FNBP1: variants seen among roughly 807,000 people sequenced by gnomAD.
FNBP1 encodes formin binding protein 1, also known as formin-binding protein 1.
In FNBP1, 26 loss-of-function variants were observed where a neutral mutation model predicts 90.6. The ratio of observed to expected loss-of-function variants is 0.29; its 90% CI spans 0.21 to 0.40. The LOEUF is 0.40. Among genes scored for constraint, FNBP1 ranks in the 10% least tolerant of loss-of-function variants. The probability of loss-of-function intolerance (pLI) is 1.00; values close to 1 mark genes in which losing one functional copy is unlikely to be tolerated. For missense variants in FNBP1, 635 were observed against 768.0 expected (o/e 0.83, Z 2.05); for synonymous variants, 260 against 265.2 (o/e 0.98, Z 0.19).
intron 1 of FNBP1, among the ~76,000 whole-genome samples, chr9:130,035,426 C>A (rs1411532426): frequency 2.0e-5 from 3 of 151,852 alleles, no homozygotes; most frequent in Admixed American, 6.6e-5. Context: ...GCATCGTGAT[C>A]TGATGGCTTC....
At chr9:129,895,241 G>A (rs1284824003) in intron 16 of FNBP1, 16 of 1,048,038 alleles carry the variant, frequency 1.5e-5, no homozygotes, top group Non-Finnish European at 1.7e-5. Flanking sequence ...TGCTGACCAG[G>A]TTTAAGTAAA....
chr9:129,922,127 A>G (rs998424426), intron 10 of FNBP1, among the ~76,000 whole-genome samples: 1 of 151,830 alleles, frequency 6.6e-6, no homozygotes, highest in Non-Finnish European at 1.5e-5. Flanking sequence ...GGCGTGGGCC[A>G]CTGGGCCCAG....
chr9:129,924,054 G>A (rs2041521139), intron 9 of FNBP1, 28 bp from the exon 10 acceptor site: 2 of 1,479,382 alleles, frequency 1.4e-6, no homozygotes, highest in Non-Finnish European at 1.8e-6. Context: ...AGCCGTGACA[G>A]AGTAAAAATC....
Position 130,042,105 on chromosome 9 carries a change from G to A in FNBP1, c.24+847C>T, listed in dbSNP as rs78245263. ...GAGCTCCATCCACAGCCAGCCCCTC[G>A]CCTTTCCGGGGACGGCCCTCAGCCC... On this transcript the variant is annotated intron_variant, in intron 1 of 16. Coordinates refer to ENST00000446176, the MANE Select transcript of FNBP1 (RefSeq NM_015033.3). The surrounding 1 kb of genome is among the most constrained non-coding windows in gnomAD (Gnocchi z 5.5). Among the ~76,000 whole-genome samples the A allele has an allele frequency of 1.3e-5, 2 of 151,856 alleles. No homozygotes were observed. Among genetic ancestry groups the A allele is most frequent in the Admixed American group, 6.6e-5 (1 of 15,250 alleles).
At chr9:129,985,837 C>A (rs923036477) in intron 2 of FNBP1, among the ~76,000 whole-genome samples, 1 of 152,228 alleles carries the variant, frequency 6.6e-6, no homozygotes, top group Non-Finnish European at 1.5e-5. Context: ...TGGCACATGC[C>A]TGTAATCCCA....
chr9:129,999,572 T>C (rs1422558593), intron 1 of FNBP1, among the ~76,000 whole-genome samples: 1 of 150,384 alleles, frequency 6.6e-6, no homozygotes, highest in Non-Finnish European at 1.5e-5. Context: ...CACTCCAGCC[T>C]GGGGCGACAG....
intron 11 of FNBP1, among the ~76,000 whole-genome samples, chr9:129,913,421 T>C (rs967983917): frequency 6.6e-6 from 1 of 152,088 alleles, no homozygotes; most frequent in African/African-American, 2.4e-5. Context: ...CATACACATG[T>C]ACCTATGTTT....
intron 4 of FNBP1, among the ~76,000 whole-genome samples, chr9:129,969,621 C>A (rs1280507416): frequency 6.6e-6 from 1 of 151,872 alleles, no homozygotes; most frequent in Non-Finnish European, 1.5e-5. Flanking sequence ...ATTTAAACTA[C>A]ACTTTTGGCC....
chr9:130,040,937 A>G (rs902390018), intron 1 of FNBP1, among the ~76,000 whole-genome samples: 1 of 151,668 alleles, frequency 6.6e-6, no homozygotes, highest in African/African-American at 2.4e-5. Context: ...ATAAGATTTC[A>G]TATCATTAAT....
At chr9:129,992,365 T>C (rs146510657) in intron 2 of FNBP1, among the ~76,000 whole-genome samples, 3 of 152,250 alleles carry the variant, frequency 2.0e-5, no homozygotes, top group Non-Finnish European at 2.9e-5. Context: ...TTGACGAGAC[T>C]GATATGCACA....
intron 7 of FNBP1, 83 bp downstream of exon 7, chr9:129,929,484 C>T (rs568723057): frequency 7.9e-7 from 1 of 1,269,168 alleles, no homozygotes; most frequent in South Asian, 1.4e-5. Flanking sequence ...GAATACAAAC[C>T]CAGCAATCAC....
intron 10 of FNBP1, among the ~76,000 whole-genome samples, chr9:129,918,132 A>T (rs2040540761): frequency 6.6e-6 from 1 of 152,224 alleles, no homozygotes; most frequent in Non-Finnish European, 1.5e-5. Context: ...GTATAGGAAG[A>T]TTATTAACAC....
chr9:130,022,189 T>G (rs915374183), intron 1 of FNBP1, among the ~76,000 whole-genome samples: 1 of 151,834 alleles, frequency 6.6e-6, no homozygotes, highest in East Asian at 1.9e-4. Context: ...TGAGGTGAAA[T>G]TCATCTAACA....
chr9:130,011,310 A>C (rs947819963), intron 1 of FNBP1, among the ~76,000 whole-genome samples: 14 of 147,438 alleles, frequency 9.5e-5, no homozygotes, highest in Non-Finnish European at 1.8e-4. Flanking sequence ...ATGAAGAATT[A>C]CAAGTAGACA....
upstream of FNBP1, chr9:130,043,252 C>T (rs993643263): frequency 2.1e-5 from 6 of 286,388 alleles, no homozygotes; most frequent in East Asian, 3.3e-4. Flanking sequence ...AGGGGAGGGG[C>T]GGGGCCGGTC....
intron 13 of FNBP1, among the ~76,000 whole-genome samples, chr9:129,902,373 G>A (rs910315415): frequency 6.6e-6 from 1 of 152,166 alleles, no homozygotes; most frequent in African/African-American, 2.4e-5. Context: ...CAAGGTGGGA[G>A]GATGGCTTAA....
chr9:129,946,788 C>G (rs935142863), intron 6 of FNBP1, among the ~76,000 whole-genome samples: 2 of 152,216 alleles, frequency 1.3e-5, no homozygotes, highest in African/African-American at 4.8e-5. Context: ...TAAGAGCCAA[C>G]AGTCATAAGG....
intron 2 of FNBP1, among the ~76,000 whole-genome samples, chr9:129,993,164 T>C (rs1234048801): frequency 1.3e-5 from 2 of 149,892 alleles, no homozygotes; most frequent in Non-Finnish European, 3.0e-5. Context: ...GAGGCGGAGA[T>C]TGCAGTGAGC....
chr9:130,034,117 C>T (rs984331338), intron 1 of FNBP1, among the ~76,000 whole-genome samples: 36 of 151,270 alleles, frequency 2.4e-4, no homozygotes, highest in African/African-American at 8.7e-4. Context: ...GTCAGGAGAT[C>T]GAGACCATCC....
Sources: gnomAD v4.1 joint callset for allele counts (sites outside exome capture counted in the v4.1 genomes callset) on GRCh38, gnomAD v4.1.1 for gene constraint, Gnocchi (gnomAD v3.1) non-coding constraint, MANE v1.5 for transcripts, NCBI Gene and HGNC (gene_info 2026-07-23, HGNC 2026-07-21) for gene names.